Variants in RBM44 observed in about 807,000 individuals in gnomAD.
RBM44 encodes RNA-binding protein 44.
Under a neutral mutation model 105.1 loss-of-function variants are expected in RBM44, and 66 were observed. That is an observed-to-expected ratio of 0.63 (90% CI 0.52 to 0.77). The LOEUF (loss-of-function observed/expected upper bound fraction) is 0.77, where lower values mean the gene tolerates loss of function less well. Ranked by LOEUF, RBM44 falls within the 30% of genes least tolerant of loss-of-function variation. The pLI is 0.00. For synonymous variants in RBM44, 365 were observed against 417.6 expected (o/e 0.87, Z 1.54); for missense variants, 1,122 against 1,207.8 (o/e 0.93, Z 1.05).
Position 237,813,639 on chromosome 2 carries a change from A to T in RBM44, c.30A>T (p.Ala10=). 1 of 1,611,812 alleles carries T rather than the reference A, an allele frequency of 6.2e-7. No individual in the cohort carries two copies. The highest frequency in any genetic ancestry group is 2.2e-5 in the East Asian group (1 of 44,874). MQATAVVET[A]SGKGYHSNGG... ...AGGCCACTGCAGTGGTGGAGACAGC[A>T]TCTGGTAAAGGCTACCACAGTAATG... is the stretch of plus-strand genomic sequence containing the variant. Residue 10 remains alanine, a synonymous_variant, in exon 2 of 16, where the codon GCA becomes GCT. Coordinates refer to ENST00000316997, the MANE Select transcript of RBM44 (RefSeq NM_001080504.3).
chr2:237,818,667 T>G lies in RBM44; in HGVS notation c.1677+71T>G. The G allele has an allele frequency of 9.0e-7, 1 of 1,108,678 alleles. No homozygotes were observed. The highest frequency in any genetic ancestry group is 1.2e-6 in the Non-Finnish European group (1 of 802,750). 68.7% of individuals were successfully genotyped at this position (1,108,678 alleles called of 1,614,324 possible). A position where few individuals can be genotyped will look rare whatever the true frequency, so the allele number is the denominator to read the frequency against. ...ACAGTGTATGCTAATGTAAGTGTTTTTGGTTCGTTGAATTAAGGCTTTTGT... is the reference window on the plus strand; with the variant it reads ...ACAGTGTATGCTAATGTAAGTGTTTGTGGTTCGTTGAATTAAGGCTTTTGT... On this transcript the variant is annotated intron_variant, in intron 3 of 15. Coordinates refer to ENST00000316997, the MANE Select transcript of RBM44 (RefSeq NM_001080504.3). This position sits in a 1 kb window ranked among gnomAD's most constrained non-coding sequence, Gnocchi z 4.6.
chr2:237,820,877 C>T (rs1419421902), intron 5 of RBM44, 194 bp from the exon 6 acceptor site: 3 of 468,918 alleles, frequency 6.4e-6, no homozygotes, highest in African/African-American at 4.1e-5. Context: ...ATAGGACCCC[C>T]GTCTCTACAA....
chr2:237,825,460 C>T (rs2061838523), intron 10 of RBM44, among the ~76,000 whole-genome samples: 1 of 152,234 alleles, frequency 6.6e-6, no homozygotes, highest in Non-Finnish European at 1.5e-5. Context: ...CCCACCTCAG[C>T]CTCCTGAAGT....
intron 1 of RBM44, among the ~76,000 whole-genome samples, chr2:237,805,873 G>T (rs991970573): frequency 3.9e-5 from 6 of 152,062 alleles, no homozygotes; most frequent in African/African-American, 1.5e-4. Context: ...GGTAGGTGGG[G>T]GAGTGCTAAG....
At position 237,827,632 on chromosome 2, in the gene RBM44, A is replaced by T. The variant is rs2061861481; in HGVS notation, c.2600+129A>T. On this transcript the variant is annotated intron_variant, in intron 12 of 15. Transcript: ENST00000316997. ...TCTCACAGGGTTTCACAGGCCAGGG[A>T]AGGGGACATAGGGACAAATAGCTGC... The T allele has an allele frequency of 4.7e-6, 3 of 632,892 alleles. No homozygotes were observed. The highest frequency in any genetic ancestry group is 8.4e-6 in the Non-Finnish European group (3 of 357,444). The allele number at this position is 632,892 out of a possible 1,614,324, so 39.2% of individuals were successfully genotyped here.
At chr2:237,815,233 G>A (rs13386018) in intron 2 of RBM44, among the ~76,000 whole-genome samples, 2 of 152,104 alleles carry the variant, frequency 1.3e-5, no homozygotes, top group South Asian at 4.1e-4. Context: ...CAAAGAATTA[G>A]TATCTAGAAT....
At chr2:237,821,869 T>C in intron 8 of RBM44, 42 bp downstream of exon 8, 1 of 1,309,150 alleles carries the variant, frequency 7.6e-7, no homozygotes, top group African/African-American at 1.5e-5. Flanking sequence ...TCTTTAAGTG[T>C]ATGGTTTACG....
At chr2:237,840,383 A>T (rs551071640) in intron 15 of RBM44, among the ~76,000 whole-genome samples, 4 of 152,244 alleles carry the variant, frequency 2.6e-5, no homozygotes, top group South Asian at 4.1e-4. Flanking sequence ...GACTGAAACT[A>T]GACCCCTTCC....
At chr2:237,800,506 G>A (rs1174877063) in intron 1 of RBM44, among the ~76,000 whole-genome samples, 1 of 152,200 alleles carries the variant, frequency 6.6e-6, no homozygotes, top group African/African-American at 2.4e-5. Flanking sequence ...GCAGATTTGA[G>A]TGTAGAATCA....
At chr2:237,807,330 A>G (rs1314164864) in intron 1 of RBM44, among the ~76,000 whole-genome samples, 1 of 152,134 alleles carries the variant, frequency 6.6e-6, no homozygotes, top group Admixed American at 6.6e-5. Flanking sequence ...TTATATTTTT[A>G]GTAGAGACGG....
Position 237,820,214 on chromosome 2 carries a change from A to G in RBM44, c.1776A>G (p.Pro592=), listed in dbSNP as rs1432174526. 6.4e-7 allele frequency: 1 copy of G among 1,570,744 alleles called. No individual in the cohort carries two copies. Among genetic ancestry groups the G allele is most frequent in the East Asian group, 2.3e-5 (1 of 43,344 alleles). Residue 592 remains proline (P), a synonymous_variant, in exon 5 of 16, where the codon CCA becomes CCG. Coordinates refer to ENST00000316997, the MANE Select transcript of RBM44 (RefSeq NM_001080504.3). ...QLFKDTEKDL[P]SMCCQKIMQR... Reference sequence around the variant, plus strand: ...TTAAAGATACAGAGAAGGATTTGCCATCAATGTGCTGTCAGAAGATAATGC... The same window carrying G: ...TTAAAGATACAGAGAAGGATTTGCCGTCAATGTGCTGTCAGAAGATAATGC...
chr2:237,834,238 G>T, intron 14 of RBM44, 40 bp from the exon 15 acceptor site: 1 of 1,537,840 alleles, frequency 6.5e-7, no homozygotes. Context: ...GTATTCCTTT[G>T]GAAAAGACAA....
At chr2:237,835,530 T>C (rs974318234) in intron 15 of RBM44, among the ~76,000 whole-genome samples, 4 of 152,134 alleles carry the variant, frequency 2.6e-5, no homozygotes, top group African/African-American at 9.7e-5. Context: ...GCTACTCCAG[T>C]GGACAGGAGA....
chr2:237,808,295 C>A (rs532078605), intron 1 of RBM44, among the ~76,000 whole-genome samples: 13 of 151,884 alleles, frequency 8.6e-5, no homozygotes, highest in African/African-American at 3.1e-4. Context: ...CAAAAAAATA[C>A]AAAGATTAGC....
At chr2:237,831,128 C>T (rs1399619000) in intron 13 of RBM44, among the ~76,000 whole-genome samples, 1 of 151,838 alleles carries the variant, frequency 6.6e-6, no homozygotes, top group African/African-American at 2.4e-5. Flanking sequence ...ACTCCGCTTC[C>T]ACTCACAGAC....
At chr2:237,837,833 G>A (rs1319103687) in intron 15 of RBM44, among the ~76,000 whole-genome samples, 1 of 151,344 alleles carries the variant, frequency 6.6e-6, no homozygotes, top group Non-Finnish European at 1.5e-5. Flanking sequence ...TTGAGATGCA[G>A]TCTACTACTG....
At chr2:237,805,182 A>G (rs756312287) in intron 1 of RBM44, among the ~76,000 whole-genome samples, 7 of 152,232 alleles carry the variant, frequency 4.6e-5, no homozygotes, top group East Asian at 1.9e-4. Flanking sequence ...AGTAGCATTT[A>G]TATACGCCAA....
chr2:237,813,771 T>C (rs771079083), intron 2 of RBM44, 89 bp downstream of exon 2: 76 of 806,846 alleles, frequency 9.4e-5, no homozygotes, highest in African/African-American at 1.7e-5. Context: ...GGTTGCTGCT[T>C]TTTAACTCTT....
intron 1 of RBM44, among the ~76,000 whole-genome samples, chr2:237,804,875 C>T (rs1257805084): frequency 1.3e-5 from 2 of 152,132 alleles, no homozygotes; most frequent in African/African-American, 4.8e-5. Context: ...CAAGGCAAAC[C>T]AACAGCCAAC....
Sources: gnomAD v4.1 joint callset for allele counts (sites outside exome capture counted in the v4.1 genomes callset) on GRCh38, gnomAD v4.1.1 for gene constraint, Gnocchi (gnomAD v3.1) non-coding constraint, MANE v1.5 for transcripts, NCBI Gene and HGNC (gene_info 2026-07-23, HGNC 2026-07-21) for gene names.